The following MBP variants were observed in gnomAD, a reference collection of about 807,000 sequenced individuals.
MBP encodes myelin basic protein.
Under a neutral mutation model 35.8 loss-of-function variants are expected in MBP, and 16 were observed. The ratio of observed to expected loss-of-function variants is 0.45; its 90% CI spans 0.30 to 0.68. The LOEUF (loss-of-function observed/expected upper bound fraction) is 0.68. Among genes scored for constraint, MBP ranks in the 30% least tolerant of loss-of-function variants. The pLI, the probability that MBP is intolerant of heterozygous loss-of-function variation, is 0.08. For synonymous variants in MBP, 143 were observed against 159.6 expected (o/e 0.90, Z 0.78); for missense variants, 380 against 404.7 (o/e 0.94, Z 0.52).
At chr18:76,992,664 G>T (rs470508) in intron 4 of MBP, among the ~76,000 whole-genome samples, 69,620 of 152,008 alleles carry the variant, frequency 0.46, 16,491 homozygotes, top group South Asian at 0.53. Flanking sequence ...GCAAGCTTCG[G>T]GAAACAGAAG....
intron 2 of MBP, among the ~76,000 whole-genome samples, chr18:77,084,287 T>G (rs1173245231): frequency 1.3e-5 from 2 of 152,058 alleles, no homozygotes; most frequent in Non-Finnish European, 1.5e-5. Flanking sequence ...GTTAAAATGC[T>G]GAAAAATGAA....
chr18:77,091,294 G>A (rs757081114), intron 2 of MBP, among the ~76,000 whole-genome samples: 1 of 152,132 alleles, frequency 6.6e-6, no homozygotes, highest in Non-Finnish European at 1.5e-5. Flanking sequence ...TTGTGCTCAA[G>A]CATAATTTAG....
chr18:77,091,879 C>T (rs1033439884), intron 2 of MBP, among the ~76,000 whole-genome samples: 1 of 152,074 alleles, frequency 6.6e-6, no homozygotes, highest in South Asian at 2.1e-4. Context: ...GCACATACCA[C>T]ATATGCACAG....
chr18:77,093,691 T>C (rs115178245), intron 2 of MBP, among the ~76,000 whole-genome samples: 2,920 of 152,276 alleles, frequency 0.019, 87 homozygotes, highest in African/African-American at 0.066. Context: ...GTGAACCTCG[T>C]AAGATTGTTC....
At chr18:77,058,816 G>C (rs1217157865) in intron 3 of MBP, among the ~76,000 whole-genome samples, 1 of 152,226 alleles carries the variant, frequency 6.6e-6, no homozygotes, top group Non-Finnish European at 1.5e-5. Context: ...GAAGGCCACT[G>C]CCAGGCCTTT....
At chr18:77,033,307 G>C (rs572973613) in intron 3 of MBP, among the ~76,000 whole-genome samples, 3 of 151,544 alleles carry the variant, frequency 2.0e-5, no homozygotes, top group Admixed American at 1.3e-4. Context: ...ATCATCTACT[G>C]TGTGACCTTG....
At chr18:77,038,710 T>C (rs191552231) in intron 3 of MBP, among the ~76,000 whole-genome samples, 2 of 152,306 alleles carry the variant, frequency 1.3e-5, no homozygotes, top group East Asian at 1.9e-4. Context: ...GACATGTGCA[T>C]ATATATATGT....
At chr18:76,997,252 T>C (rs544426915) in intron 4 of MBP, among the ~76,000 whole-genome samples, 1 of 152,220 alleles carries the variant, frequency 6.6e-6, no homozygotes, top group South Asian at 2.1e-4. Flanking sequence ...GCTCAGCAAA[T>C]AGAAAGTGAC....
chr18:77,040,284 T>C (rs1599124437), intron 3 of MBP, among the ~76,000 whole-genome samples: 1 of 152,158 alleles, frequency 6.6e-6, no homozygotes, highest in African/African-American at 2.4e-5. Flanking sequence ...TAAAAGAGGA[T>C]ACAAACAAAT....
rs1004307928 is a variant in MBP at position 77,131,893 on chromosome 18, G to T, written c.-26+687C>A. Among the ~76,000 whole-genome samples the T allele has an allele frequency of 4.6e-5, 7 of 152,160 alleles. No individual in the cohort carries two copies. Among genetic ancestry groups the T allele is most frequent in the African/African-American group, 1.7e-4 (7 of 41,558 alleles). On this transcript the variant is annotated intron_variant, in intron 1 of 8. Transcript: ENST00000355994. This position sits in a 1 kb window ranked among gnomAD's most constrained non-coding sequence, Gnocchi z 5.5. ...TGGGCCCAGGTGGGCGCAGCGACGG[G>T]CCCGGCCGAAGAGCCCGAGACAGGC... is the stretch of plus-strand genomic sequence containing the variant.
chr18:76,997,886 G>A (rs1970390466), intron 4 of MBP, among the ~76,000 whole-genome samples: 1 of 151,972 alleles, frequency 6.6e-6, no homozygotes, highest in South Asian at 2.1e-4. Context: ...GTTTCACTGT[G>A]TTAGCCAGGA....
chr18:77,006,919 G>A (rs1971014921), intron 4 of MBP: 1 of 152,796 alleles, frequency 6.5e-6, no homozygotes, highest in Non-Finnish European at 1.5e-5. Context: ...AGGGAGAGAG[G>A]GGGAAGTAGA....
At chr18:77,015,378 A>G (rs1273377373) in intron 4 of MBP, 2 of 985,322 alleles carry the variant, frequency 2.0e-6, no homozygotes, top group African/African-American at 3.5e-5. Context: ...GGCAACCCGA[A>G]TCCATACATG....
At chr18:77,031,036 G>A (rs939946244) in intron 3 of MBP, among the ~76,000 whole-genome samples, 4 of 151,030 alleles carry the variant, frequency 2.6e-5, no homozygotes, top group South Asian at 4.2e-4. Context: ...CACTGTTTTA[G>A]AGAAATAAAG....
intron 1 of MBP, among the ~76,000 whole-genome samples, chr18:77,121,295 G>A (rs1208987495): frequency 6.9e-6 from 1 of 145,044 alleles, no homozygotes; most frequent in African/African-American, 2.6e-5. Flanking sequence ...GGGCAACAGA[G>A]GGAGACTGTG....
At chr18:77,054,061 G>T (rs1973625397) in intron 3 of MBP, among the ~76,000 whole-genome samples, 1 of 152,238 alleles carries the variant, frequency 6.6e-6, no homozygotes, top group Admixed American at 6.5e-5. Flanking sequence ...CCCTCGGCCT[G>T]GTCTGCAGGG....
intron 2 of MBP, 166 bp from the exon 3 acceptor site, chr18:77,066,551 C>T (rs1464384061): frequency 2.6e-6 from 2 of 766,462 alleles, no homozygotes; most frequent in Admixed American, 1.7e-5. Context: ...GTTTTCTGCG[C>T]AGGATTCGGA....
intron 2 of MBP, among the ~76,000 whole-genome samples, chr18:77,074,454 C>T (rs34879896): frequency 0.053 from 8,006 of 152,184 alleles, 284 homozygotes; most frequent in East Asian, 0.11. Flanking sequence ...ATCACACTTT[C>T]GTAGGATTCT....
In MBP at chr18:77,131,083, G is replaced by T. The variant is rs1375969; in HGVS notation, c.-26+1497C>A. Reference sequence around the variant, plus strand: ...AAAACACACACACGCGCGCACGCACGCGCACACACACACACACACACACAC... The same window carrying T: ...AAAACACACACACGCGCGCACGCACTCGCACACACACACACACACACACAC... On this transcript the variant is annotated intron_variant, in intron 1 of 8. Transcript: ENST00000355994. The surrounding 1 kb of genome is among the most constrained non-coding windows in gnomAD (Gnocchi z 5.5). 2.3e-5 allele frequency among the ~76,000 whole-genome samples: 1 copy of T among 43,624 alleles called. No homozygotes were observed. The allele number at this position is 43,624 out of a possible 152,430, so 28.6% of individuals were successfully genotyped here. A position where few individuals can be genotyped will look rare whatever the true frequency, so the allele number is the denominator to read the frequency against.
Sources: gnomAD v4.1 joint callset for allele counts (sites outside exome capture counted in the v4.1 genomes callset) on GRCh38, gnomAD v4.1.1 for gene constraint, Gnocchi (gnomAD v3.1) non-coding constraint, MANE v1.5 for transcripts, NCBI Gene and HGNC (gene_info 2026-07-23, HGNC 2026-07-21) for gene names.